The following C4orf51 variants were observed in gnomAD, a reference collection of about 807,000 sequenced individuals.
C4orf51 encodes uncharacterized protein C4orf51.
Under a neutral mutation model 25.2 loss-of-function variants are expected in C4orf51, and 25 were observed. The ratio of observed to expected loss-of-function variants is 0.99; its 90% confidence interval spans 0.72 to 1.39. The LOEUF (loss-of-function observed/expected upper bound fraction) is 1.39. C4orf51 is among the 40% of genes most tolerant of loss of function. C4orf51 has a pLI of 0.00. For missense variants in C4orf51, 252 were observed against 239.6 expected, an observed-to-expected ratio of 1.05 and a Z score of -0.34; for synonymous variants, 100 against 84.5, an observed-to-expected ratio of 1.18 and a Z score of -1.01.
At chr4:145,744,740 C>T (rs1446112165) in intron 1 of C4orf51, among the ~76,000 whole-genome samples, 1 of 151,930 alleles carries the variant, frequency 6.6e-6, no homozygotes, top group East Asian at 1.9e-4. Context: ...GTATTCCCAG[C>T]TACTCGGGAG....
downstream of C4orf51, among the ~76,000 whole-genome samples, chr4:145,775,432 T>C (rs1296444958): frequency 1.3e-5 from 2 of 152,160 alleles, no homozygotes; most frequent in East Asian, 3.8e-4. Flanking sequence ...CTCAGCTTTT[T>C]TTTTTTTAAA....
chr4:145,685,444 G>A (rs1196037407), intron 1 of C4orf51, among the ~76,000 whole-genome samples: 1 of 152,204 alleles, frequency 6.6e-6, no homozygotes, highest in Non-Finnish European at 1.5e-5. Context: ...CCTGTCTCAA[G>A]AGCTGAGCTC....
chr4:145,760,905 G>A (rs1206546334), intron 1 of C4orf51: 29 of 1,233,616 alleles, frequency 2.4e-5, no homozygotes, highest in Non-Finnish European at 3.0e-5. Context: ...GGTTCTTGGG[G>A]TATAACATTG....
chr4:145,730,764 C>T (rs995954241), intron 5 of C4orf51, among the ~76,000 whole-genome samples: 2 of 151,956 alleles, frequency 1.3e-5, no homozygotes, highest in Non-Finnish European at 2.9e-5. Flanking sequence ...AACAGTATCA[C>T]AAGAACCACC....
chr4:145,746,636 T>C (rs936278030), intron 1 of C4orf51, among the ~76,000 whole-genome samples: 12 of 152,178 alleles, frequency 7.9e-5, no homozygotes, highest in African/African-American at 2.9e-4. Flanking sequence ...TAATTTGAAG[T>C]CACATAATGT....
At chr4:145,747,653 T>A (rs77349271) in intron 1 of C4orf51, among the ~76,000 whole-genome samples, 6,113 of 151,560 alleles carry the variant, frequency 0.04, 415 homozygotes, top group African/African-American at 0.14. Context: ...TGATCTTTAG[T>A]CTCCCTTCCT....
chr4:145,732,239 C>T (rs1463116476), intron 5 of C4orf51, among the ~76,000 whole-genome samples: 1 of 152,170 alleles, frequency 6.6e-6, no homozygotes, highest in African/African-American at 2.4e-5. Context: ...AGTTCCTGCC[C>T]TTTTTCTCTC....
the C4orf51 span, among the ~76,000 whole-genome samples, chr4:145,777,799 A>G: frequency 6.6e-6 from 1 of 152,132 alleles, no homozygotes; most frequent in Admixed American, 6.5e-5. Flanking sequence ...GTTTACCTCT[A>G]TAAATTTTCC....
chr4:145,681,651 T>C (rs1490578287), intron 1 of C4orf51, among the ~76,000 whole-genome samples: 1 of 152,164 alleles, frequency 6.6e-6, no homozygotes, highest in East Asian at 1.9e-4. Context: ...TATTGGAGAA[T>C]GAGTAGTCCA....
chr4:145,787,509 T>G, the C4orf51 span, among the ~76,000 whole-genome samples: 1 of 151,232 alleles, frequency 6.6e-6, no homozygotes, highest in East Asian at 1.9e-4. Flanking sequence ...CAATCTGTGC[T>G]CAGTTAGAAA....
rs183396777 is a variant in C4orf51 at position 145,724,394 on chromosome 4, A to G, written c.308-2517A>G. On this transcript the variant is annotated intron_variant, in intron 2 of 5. Coordinates refer to ENST00000438731, the MANE Select transcript of C4orf51 (RefSeq NM_001080531.3). ...AAGCTCTTTGACTCTGGCTTAAGAT[A>G]CCTTCTTTAAAAAAAAAAAGTTTAT... is the stretch of plus-strand genomic sequence containing the variant. 2.1e-3 allele frequency among the ~76,000 whole-genome samples: 322 copies of G among 152,230 alleles called. 1 individual carries two copies. Among genetic ancestry groups the G allele is most frequent in the African/African-American group, 7.2e-3 (298 of 41,538 alleles).
At chr4:145,702,009 C>G (rs1016519471) in intron 2 of C4orf51, among the ~76,000 whole-genome samples, 2 of 152,076 alleles carry the variant, frequency 1.3e-5, no homozygotes, top group African/African-American at 4.8e-5. Flanking sequence ...TACTCCTTCC[C>G]TGGCAACCAA....
intron 2 of C4orf51, among the ~76,000 whole-genome samples, chr4:145,710,446 TCTGCATGTGCAGTGGC>T (rs112909075): frequency 7.8e-4 from 119 of 152,320 alleles, no homozygotes; most frequent in African/African-American, 2.7e-3. Context: ...GGGTGGGCTG[TCTGCATGTGCAGTGGC>T]CTGCTAATGC....
intron 1 of C4orf51, among the ~76,000 whole-genome samples, chr4:145,742,532 G>GTT (rs141147414): frequency 0.01 from 1,092 of 104,874 alleles, 44 homozygotes; most frequent in Non-Finnish European, 0.011. Context: ...TCTTTTTCTT[G>GTT]TTTTTTTTTT....
chr4:145,719,588 CAAAA>C (rs57272346), intron 2 of C4orf51, among the ~76,000 whole-genome samples: 1 of 90,156 alleles, frequency 1.1e-5, no homozygotes, highest in Non-Finnish European at 2.3e-5. Context: ...GACTCTGTCT[CAAAA>C]AAAAAAAAAA....
chr4:145,722,845 A>C (rs1306518301), intron 2 of C4orf51, among the ~76,000 whole-genome samples: 1 of 152,128 alleles, frequency 6.6e-6, no homozygotes, highest in Non-Finnish European at 1.5e-5. Context: ...TCCTAGGAGC[A>C]CAAACCCTAT....
In C4orf51 at chr4:145,680,377, C is replaced by T; in HGVS notation, c.174C>T (p.Asp58=). 6.2e-7 allele frequency: 1 copy of T among 1,613,996 alleles called. No individual in the cohort carries two copies. Among genetic ancestry groups the T allele is most frequent in the East Asian group, 2.2e-5 (1 of 44,886 alleles). ...GCAGTTACCGGAAAAAACAACTGGACAAGTCCATGTGCAGCCAATTTTCTT... is the reference window on the plus strand; with the variant it reads ...GCAGTTACCGGAAAAAACAACTGGATAAGTCCATGTGCAGCCAATTTTCTT... ...YTGSYRKKQL[D]KSMCSQFSFR... The change falls in exon 1 of 6, where the codon GAC becomes GAT. Residue 58 remains aspartate, a synonymous_variant. Transcript: ENST00000438731.
At chr4:145,736,648 C>T (rs1451319923), downstream of C4orf51, among the ~76,000 whole-genome samples, 2 of 152,238 alleles carry the variant, frequency 1.3e-5, no homozygotes, top group Non-Finnish European at 2.9e-5. Context: ...CTCCAATCGG[C>T]TTGGCCATCT....
the C4orf51 span, among the ~76,000 whole-genome samples, chr4:145,785,694 A>G: frequency 6.5e-3 from 986 of 152,284 alleles, 4 homozygotes; most frequent in Non-Finnish European, 0.011. Context: ...AACCTAAGTA[A>G]TTACCCCAGG....
Sources: allele counts gnomAD v4.1 joint callset (sites outside exome capture counted in the v4.1 genomes callset), GRCh38; gene constraint gnomAD v4.1.1; transcripts MANE v1.5; gene names NCBI Gene and HGNC (gene_info 2026-07-23, HGNC 2026-07-21).